The following ZCCHC2 variants were observed in gnomAD, a reference collection of about 807,000 sequenced individuals.
ZCCHC2 encodes zinc finger CCHC domain-containing protein 2.
In ZCCHC2, 39 loss-of-function variants were observed where a neutral mutation model predicts 103.6. That is an observed-to-expected ratio of 0.38 (90% confidence interval 0.29 to 0.49). The LOEUF (loss-of-function observed/expected upper bound fraction) is 0.49. ZCCHC2 is among the 20% of genes least tolerant of loss of function. The pLI, the probability that ZCCHC2 is intolerant of heterozygous loss-of-function variation, is 0.96. For synonymous variants in ZCCHC2, 687 were observed against 608.9 expected (o/e 1.13, Z -1.89); for missense variants, 1,483 against 1,491.0 (o/e 0.99, Z 0.09).
Position 62,542,591 on chromosome 18 carries a change from A to G in ZCCHC2, c.1128+17A>G, listed in dbSNP as rs774364545. On this transcript the variant is annotated intron_variant, in intron 3 of 13. Transcript: ENST00000269499. Reference sequence around the variant, plus strand: ...ACTTTCAAAGTAAGCCATTTTCCCCACAAAAGATACCTCACGTGCTGTGCT... The same window carrying G: ...ACTTTCAAAGTAAGCCATTTTCCCCGCAAAAGATACCTCACGTGCTGTGCT... 1.7e-5 allele frequency: 27 copies of G among 1,551,358 alleles called. No individual in the cohort carries two copies. The East Asian group carries it at 5.8e-4, about 33-fold the overall frequency.
chr18:62,573,337 T>G (rs1455970158), intron 12 of ZCCHC2, among the ~76,000 whole-genome samples: 3 of 152,150 alleles, frequency 2.0e-5, no homozygotes, highest in African/African-American at 7.2e-5. Flanking sequence ...GAAGGCTAGG[T>G]CCACGCTATT....
chr18:62,567,013 A>C (rs1287432349), intron 11 of ZCCHC2, among the ~76,000 whole-genome samples: 3 of 152,240 alleles, frequency 2.0e-5, no homozygotes, highest in Non-Finnish European at 4.4e-5. Flanking sequence ...TGAAAATAAC[A>C]ACCTCAGCGT....
At chr18:62,547,095 C>A (rs1197887089) in intron 4 of ZCCHC2, among the ~76,000 whole-genome samples, 1 of 152,034 alleles carries the variant, frequency 6.6e-6, no homozygotes. Context: ...GAGGCTGAGG[C>A]AGGTGGATCA....
chr18:62,564,528 G>A (rs1916261656), intron 9 of ZCCHC2, 43 bp from the exon 10 acceptor site: 3 of 1,382,994 alleles, frequency 2.2e-6, no homozygotes, highest in Admixed American at 2.5e-5. Context: ...ACGTCAAAAT[G>A]GTTTAGCTTT....
chr18:62,563,239 A>G, intron 9 of ZCCHC2, 95 bp downstream of exon 9: 1 of 1,414,680 alleles, frequency 7.1e-7, no homozygotes, highest in Non-Finnish European at 9.6e-7. Flanking sequence ...CAGACAGTAT[A>G]TCTGGTAAGA....
At chr18:62,562,750 G>A (rs1158932882) in intron 8 of ZCCHC2, among the ~76,000 whole-genome samples, 5 of 152,212 alleles carry the variant, frequency 3.3e-5, no homozygotes, top group African/African-American at 1.2e-4. Flanking sequence ...TGTAAGCAGT[G>A]TATGATGATC....
chr18:62,532,117 G>A (rs1276217771), intron 1 of ZCCHC2, among the ~76,000 whole-genome samples: 1 of 152,250 alleles, frequency 6.6e-6, no homozygotes, highest in African/African-American at 2.4e-5. Flanking sequence ...GAAGGGGTGT[G>A]TGTGTGCGCG....
intron 2 of ZCCHC2, 145 bp from the exon 3 acceptor site, chr18:62,542,353 T>TA (rs1189443774): frequency 1.2e-5 from 7 of 597,092 alleles, no homozygotes; most frequent in East Asian, 5.8e-5. Flanking sequence ...TCTTTTTTTT[T>TA]ATTTCATGAT....
At chr18:62,543,815 G>A (rs1373138228) in intron 3 of ZCCHC2, among the ~76,000 whole-genome samples, 1 of 152,174 alleles carries the variant, frequency 6.6e-6, no homozygotes, top group African/African-American at 2.4e-5. Flanking sequence ...ACTAGCCTGT[G>A]AACTCAGTCA....
At chr18:62,562,345 A>G (rs1321007052) in intron 8 of ZCCHC2, among the ~76,000 whole-genome samples, 2 of 151,794 alleles carry the variant, frequency 1.3e-5, no homozygotes, top group Non-Finnish European at 2.9e-5. Context: ...CATTTTTTTC[A>G]GTCTCAGTGC....
chr18:62,523,555 C>CGCT lies in ZCCHC2; in HGVS notation c.133_134insTGC (p.Pro44_Pro45insLeu). 2.2e-6 allele frequency: 2 copies of CGCT among 898,302 alleles called. No homozygotes were observed. The highest frequency in any genetic ancestry group is 1.2e-4 in the East Asian group (1 of 8,174). The allele number at this position is 898,302 out of a possible 1,614,324, so 55.6% of individuals were successfully genotyped here. A position where few individuals can be genotyped will look rare whatever the true frequency, so the allele number is the denominator to read the frequency against. On this transcript the variant is annotated inframe_insertion, in exon 1 of 14. Transcript: ENST00000269499. Reference sequence around the variant, plus strand: ...CGCCGCCGCCGCGACTGCCGCCCCCCGCCGCCGCCGCCGCCGCCCGCGGGC... The same window carrying CGCT: ...CGCCGCCGCCGCGACTGCCGCCCCCCGCTGCCGCCGCCGCCGCCGCCCGCGGGC...
chr18:62,557,544 A>G (rs1470292779), intron 6 of ZCCHC2, among the ~76,000 whole-genome samples: 6 of 152,250 alleles, frequency 3.9e-5, no homozygotes, highest in African/African-American at 2.4e-5. Flanking sequence ...GACCAAGACA[A>G]AATGTACAAC....
At chr18:62,547,775 T>G (rs548156459) in intron 4 of ZCCHC2, among the ~76,000 whole-genome samples, 3 of 152,270 alleles carry the variant, frequency 2.0e-5, no homozygotes, top group Admixed American at 2.0e-4. Context: ...TTGCCCAGGC[T>G]GATCTTGAAC....
chr18:62,533,987 A>G (rs376977173), intron 1 of ZCCHC2, among the ~76,000 whole-genome samples: 24 of 152,214 alleles, frequency 1.6e-4, no homozygotes, highest in Non-Finnish European at 1.2e-4. Context: ...GGATAGGTAC[A>G]GTTATTTTGG....
At chr18:62,541,253 A>G (rs1038781463) in intron 2 of ZCCHC2, among the ~76,000 whole-genome samples, 35 of 152,188 alleles carry the variant, frequency 2.3e-4, no homozygotes, top group Admixed American at 1.7e-3. Context: ...TCTGGCCCGC[A>G]AAGGGGAAAC....
Position 62,523,596 on chromosome 18 carries a change from C to T in ZCCHC2, c.172C>T (p.Leu58=). Residue 58 remains leucine (L), a synonymous_variant, in exon 1 of 14, where the codon CTG becomes TTG. Transcript: ENST00000269499. ...PPPAGPSRGP[L]PPPPPPRGLG... Reference sequence around the variant, plus strand: ...GCCCGCGGGCCCGTCGCGGGGCCCTCTGCCGCCGCCGCCGCCGCCCCGGGG... The same window carrying T: ...GCCCGCGGGCCCGTCGCGGGGCCCTTTGCCGCCGCCGCCGCCGCCCCGGGG... The T allele has an allele frequency of 9.6e-7, 1 of 1,040,204 alleles. No homozygotes were observed. Among genetic ancestry groups the T allele is most frequent in the Non-Finnish European group, 1.2e-6 (1 of 863,916 alleles). The allele number at this position is 1,040,204 out of a possible 1,614,324, so 64.4% of individuals were successfully genotyped here.
chr18:62,534,450 G>C (rs1319956659), intron 1 of ZCCHC2, among the ~76,000 whole-genome samples: 1 of 152,120 alleles, frequency 6.6e-6, no homozygotes. Flanking sequence ...TTTTCTTATT[G>C]CTTGGATAGT....
downstream of ZCCHC2, among the ~76,000 whole-genome samples, chr18:62,578,805 C>T (rs1369144653): frequency 2.0e-5 from 3 of 152,172 alleles, no homozygotes; most frequent in Non-Finnish European, 2.9e-5. Context: ...CTTGCTCTGT[C>T]GCCCAGGTTG....
intron 5 of ZCCHC2, among the ~76,000 whole-genome samples, chr18:62,555,765 G>A (rs1915859463): frequency 1.3e-5 from 2 of 151,720 alleles, no homozygotes; most frequent in Admixed American, 6.6e-5. Flanking sequence ...CTGAGATCGC[G>A]CCATTGCACT....
Sources: gnomAD v4.1 joint callset for allele counts (sites outside exome capture counted in the v4.1 genomes callset) on GRCh38, gnomAD v4.1.1 for gene constraint, MANE v1.5 for transcripts, NCBI Gene and HGNC (gene_info 2026-07-23, HGNC 2026-07-21) for gene names.